The following UBAP2L variants were observed in gnomAD, a reference collection of about 807,000 sequenced individuals.
The protein encoded by UBAP2L is ubiquitin associated protein 2 like.
In UBAP2L, 12 loss-of-function variants were observed where a neutral mutation model predicts 130.6. The observed-to-expected ratio is 0.09, with a 90% CI of 0.06 to 0.15. The LOEUF is 0.15. Among genes scored for constraint, UBAP2L ranks in the 10% least tolerant of loss-of-function variants. The pLI, the probability that UBAP2L is intolerant of heterozygous loss-of-function variation, is 1.00. For missense variants in UBAP2L, 965 were observed against 1,332.5 expected (o/e 0.72, Z 4.29); for synonymous variants, 503 against 524.7 (o/e 0.96, Z 0.57).
At chr1:154,268,714 T>A in intron 25 of UBAP2L, 43 bp from the exon 26 acceptor site, 1 of 1,599,950 alleles carries the variant, frequency 6.3e-7, no homozygotes, top group Non-Finnish European at 8.6e-7. Flanking sequence ...AAGACTAGTT[T>A]GCTGATCCCT....
Position 154,254,317 on chromosome 1 carries a change from CTCTAGTAGAA to C in UBAP2L, c.1854+231_1854+240del, listed in dbSNP as rs202181282. ...TCTCTTTGTACTAAAAATTCATTGC[CTCTAGTAGAA>C]TCAGTCTCAAGTGCCTGTCCTGTCT... On this transcript the variant is annotated intron_variant, in intron 15 of 26. Transcript: ENST00000428931. Among the ~76,000 whole-genome samples the C allele has an allele frequency of 1.4e-4, 22 of 152,274 alleles. No individual in the cohort carries two copies. In the East Asian group the frequency reaches 3.9e-3, roughly 27 times the overall value.
intron 20 of UBAP2L, chr1:154,258,701 CG>C (rs1680497017): frequency 3.5e-6 from 1 of 287,476 alleles, no homozygotes; most frequent in Non-Finnish European, 6.6e-6. Flanking sequence ...ACTGGTTGTT[CG>C]TGTATGTTTT....
At chr1:154,248,345 G>A (rs936570631) in intron 11 of UBAP2L, among the ~76,000 whole-genome samples, 2 of 152,162 alleles carry the variant, frequency 1.3e-5, no homozygotes, top group South Asian at 2.1e-4. Context: ...ATTGTCTAGT[G>A]CAGAAGTTGG....
chr1:154,260,786 A>T lies in UBAP2L; in HGVS notation c.2579-106A>T, dbSNP rs1311531983. The T allele has an allele frequency of 6.4e-6, 7 of 1,090,842 alleles. No individual in the cohort carries two copies. The African/African-American group carries it at 9.4e-5, about 15-fold the overall frequency. 67.6% of individuals were successfully genotyped at this position (1,090,842 alleles called of 1,614,324 possible). ...ATGTAATTCAAGGAATTGAACTTTA[A>T]TAGTCTTTGAACAGGATCTCCTGGA... On this transcript the variant is annotated intron_variant, in intron 22 of 26. Coordinates refer to ENST00000428931, the MANE Select transcript of UBAP2L (RefSeq NM_014847.4).
intron 24 of UBAP2L, chr1:154,262,973 T>G: frequency 1.2e-6 from 1 of 848,520 alleles, no homozygotes; most frequent in Non-Finnish European, 1.7e-6. Flanking sequence ...ATTCTAGAAA[T>G]CCCACCTTCT....
chr1:154,270,772 T>G lies in UBAP2L; in HGVS notation c.*477T>G, dbSNP rs1272906253. ...TTAGTTGAAGTGGTTTTTTTTTTGT[T>G]TTTTTTTTTTTTTTGTACTGTGTCC... is the stretch of plus-strand genomic sequence containing the variant. On this transcript the variant is annotated 3_prime_UTR_variant, in exon 27 of 27. Coordinates refer to ENST00000428931, the MANE Select transcript of UBAP2L (RefSeq NM_014847.4). 4.6e-6 allele frequency: 5 copies of G among 1,091,306 alleles called. No homozygotes were observed. In the African/African-American group the frequency reaches 5.7e-5, roughly 12 times the overall value. 67.6% of individuals were successfully genotyped at this position (1,091,306 alleles called of 1,614,324 possible). A position where few individuals can be genotyped will look rare whatever the true frequency, so the allele number is the denominator to read the frequency against.
At chr1:154,266,368 T>C (rs1163158219) in intron 24 of UBAP2L, 133 bp from the exon 25 acceptor site, 4 of 893,070 alleles carry the variant, frequency 4.5e-6, no homozygotes, top group Non-Finnish European at 7.5e-6. Flanking sequence ...CAGGACTAAC[T>C]TGAAGCTGGA....
Position 154,236,529 on chromosome 1 carries a change from A to T in UBAP2L, c.545-37A>T, listed in dbSNP as rs1232126958. On this transcript the variant is annotated intron_variant, in intron 6 of 26. Transcript: ENST00000428931. ...AGGAAGTTTTATATCAACTTCTAAA[A>T]TACATCTCTCTTCTCTTTTTCTCAT... The T allele has an allele frequency of 1.2e-6, 2 of 1,612,628 alleles. 1 individual carries two copies. The highest frequency in any genetic ancestry group is 1.7e-6 in the Non-Finnish European group (2 of 1,178,760).
chr1:154,248,029 G>A (rs539977965), intron 11 of UBAP2L, among the ~76,000 whole-genome samples: 6 of 151,370 alleles, frequency 4.0e-5, no homozygotes, highest in East Asian at 3.9e-4. Flanking sequence ...GTGCAATGGC[G>A]CGATCTTGGC....
chr1:154,270,886 C>T (rs1684636168), downstream of UBAP2L: 2 of 1,539,080 alleles, frequency 1.3e-6, no homozygotes, highest in South Asian at 1.2e-5. Flanking sequence ...TCTAGGACAT[C>T]CTCAATTTCG....
intron 8 of UBAP2L, among the ~76,000 whole-genome samples, chr1:154,238,325 G>A (rs1282906876): frequency 6.6e-6 from 1 of 152,090 alleles, no homozygotes; most frequent in Non-Finnish European, 1.5e-5. Flanking sequence ...ACTATACTTC[G>A]GAGGCATTAG....
At chr1:154,233,332 T>C (rs1242711420) in intron 4 of UBAP2L, among the ~76,000 whole-genome samples, 1 of 149,184 alleles carries the variant, frequency 6.7e-6, no homozygotes, top group Non-Finnish European at 1.5e-5. Flanking sequence ...TTCTTTTTTT[T>C]TCTTTGAGAT....
At chr1:154,226,177 C>A (rs956360713) in intron 2 of UBAP2L, among the ~76,000 whole-genome samples, 1 of 152,164 alleles carries the variant, frequency 6.6e-6, no homozygotes, top group African/African-American at 2.4e-5. Context: ...TCCTCTTTTC[C>A]CCAACTTGTC....
At chr1:154,233,734 A>T (rs1670688471) in intron 4 of UBAP2L, among the ~76,000 whole-genome samples, 1 of 151,194 alleles carries the variant, frequency 6.6e-6, no homozygotes, top group Admixed American at 6.6e-5. Flanking sequence ...GAGATTAGAG[A>T]ACGTGCCCAA....
chr1:154,228,617 G>A lies in UBAP2L; in HGVS notation c.171G>A (p.Leu57=), dbSNP rs1668779747. The A allele has an allele frequency of 6.2e-7, 1 of 1,612,258 alleles. No individual in the cohort carries two copies. The highest frequency in any genetic ancestry group is 8.5e-7 in the Non-Finnish European group (1 of 1,178,738). Residue 57 remains leucine (L), a splice_region_variant and synonymous_variant, in exon 4 of 27, where the codon TTG becomes TTA. Coordinates refer to ENST00000428931, the MANE Select transcript of UBAP2L (RefSeq NM_014847.4). ...GGTTGCTGTTTTTTCTCTTTCAGTT[G>A]ATTGATATTACAGGCAAGAACCAGG... ...DADFEEKVKQ[L]IDITGKNQDE... is the part of the protein sequence containing the mutation.
intron 26 of UBAP2L, chr1:154,269,300 T>C: frequency 7.5e-7 from 1 of 1,338,806 alleles, no homozygotes; most frequent in Non-Finnish European, 1.0e-6. Flanking sequence ...TCCCTTCTAA[T>C]GGTGGAGTTC....
intron 1 of UBAP2L, among the ~76,000 whole-genome samples, chr1:154,223,873 C>T (rs1385720227): frequency 6.6e-6 from 1 of 152,128 alleles, no homozygotes; most frequent in African/African-American, 2.4e-5. Context: ...CCAGTAATAT[C>T]TCTGGGCAGT....
At chr1:154,245,800 G>A (rs1675268307) in intron 10 of UBAP2L, among the ~76,000 whole-genome samples, 1 of 151,968 alleles carries the variant, frequency 6.6e-6, no homozygotes, top group Non-Finnish European at 1.5e-5. Context: ...GGCACCTGTA[G>A]TCCCAGCTAC....
intron 10 of UBAP2L, among the ~76,000 whole-genome samples, chr1:154,243,753 G>A (rs868228529): frequency 2.0e-5 from 3 of 151,910 alleles, no homozygotes; most frequent in African/African-American, 7.3e-5. Flanking sequence ...GAACCACCGC[G>A]CCAGTTGATG....
Sources: gnomAD v4.1 joint callset for allele counts (sites outside exome capture counted in the v4.1 genomes callset) on GRCh38, gnomAD v4.1.1 for gene constraint, MANE v1.5 for transcripts, NCBI Gene and HGNC (gene_info 2026-07-23, HGNC 2026-07-21) for gene names.